PKD1L3: variants seen among roughly 807,000 people sequenced by gnomAD.
The protein encoded by PKD1L3 is polycystin 1 like 3, transient receptor potential channel interacting, also known as polycystin-1-like protein 3.
Under a neutral mutation model 184.1 loss-of-function variants are expected in PKD1L3, and 239 were observed. That is an observed-to-expected ratio of 1.30 (90% CI 1.17 to 1.45). The LOEUF is 1.45. PKD1L3 is among the 40% of genes most tolerant of loss of function. The pLI, the probability that PKD1L3 is intolerant of heterozygous loss-of-function variation, is 0.00. For synonymous variants in PKD1L3, 996 were observed against 778.8 expected, an observed-to-expected ratio of 1.28 and a Z score of -4.64; for missense variants, 2,660 against 2,067.2, an observed-to-expected ratio of 1.29 and a Z score of -5.56.
At chr16:71,936,129 GAA>G (rs1211272892) in intron 25 of PKD1L3, among the ~76,000 whole-genome samples, 2 of 143,332 alleles carry the variant, frequency 1.4e-5, no homozygotes, top group African/African-American at 5.1e-5. Context: ...GCCTGAGAAT[GAA>G]AAAAAAAATA....
chr16:71,945,305 T>TATATAC (rs1328351114), intron 22 of PKD1L3, among the ~76,000 whole-genome samples: 70 of 59,358 alleles, frequency 1.2e-3, no homozygotes, highest in Non-Finnish European at 1.9e-3. Flanking sequence ...TATATATATA[T>TATATAC]ACACACACAC....
chr16:71,991,057 T>C (rs1026005449), intron 3 of PKD1L3: 8 of 152,814 alleles, frequency 5.2e-5, no homozygotes, highest in African/African-American at 7.2e-5. Flanking sequence ...TATGGGACAT[T>C]TTCAGCTTGA....
At position 71,973,393 on chromosome 16, in the gene PKD1L3, G is replaced by C. The variant is rs1447610104; in HGVS notation, c.1884C>G (p.Val628=). 1.3e-6 allele frequency: 2 copies of C among 1,551,660 alleles called. No homozygotes were observed. Among genetic ancestry groups the C allele is most frequent in the Admixed American group, 3.9e-5 (2 of 50,996 alleles). ...GAQQTPSLVS[V]ITAVTQCYYW... is the part of the protein sequence containing the mutation. ...AGTAACACTGAGTGACGGCGGTGATGACCGAGACCAAGCTGGGTGTCTGCT... is the reference window on the plus strand; with the variant it reads ...AGTAACACTGAGTGACGGCGGTGATCACCGAGACCAAGCTGGGTGTCTGCT... Residue 628 remains valine (V), a synonymous_variant, in exon 12 of 30, where the codon GTC becomes GTG. Transcript: ENST00000620267.
chr16:71,942,780 T>C lies in PKD1L3; in HGVS notation c.4104A>G (p.Gln1368=), dbSNP rs762218200. ...TCTCATAGGTCTTGGTACGGGGTAT[T>C]TGGAAAATTAATTGTACCCCACATT... ...HCKCGVQLIF[Q]IPRTKTYEKV... is the part of the protein sequence containing the mutation. The change falls in exon 24 of 30, where the codon CAA becomes CAG. Residue 1368 remains glutamine, a synonymous_variant. Coordinates refer to ENST00000620267, the MANE Select transcript of PKD1L3 (RefSeq NM_181536.2). The C allele has an allele frequency of 1.0e-5, 16 of 1,551,476 alleles. No homozygotes were observed. The Middle Eastern group carries it at 5.0e-4, about 48-fold the overall frequency.
chr16:71,968,035 T>C (rs1299130384), intron 13 of PKD1L3, 28 bp from the exon 14 acceptor site: 5 of 1,517,506 alleles, frequency 3.3e-6, no homozygotes, highest in African/African-American at 1.4e-5. Flanking sequence ...CCATGCAACT[T>C]ACTAGGCCTC....
At position 71,986,357 on chromosome 16, in the gene PKD1L3, G is replaced by C; in HGVS notation, c.698C>G (p.Thr233Arg). 2 of 1,551,496 alleles carry C rather than the reference G, an allele frequency of 1.3e-6. No individual in the cohort carries two copies. The highest frequency in any genetic ancestry group is 1.7e-6 in the Non-Finnish European group (2 of 1,146,580). The change falls in exon 5 of 30, where the codon ACA (threonine) becomes AGA (arginine). Residue 233 changes from threonine to arginine, a missense_variant. By Grantham distance (71) the Thr-to-Arg change is moderately conservative. Transcript: ENST00000620267. Reference sequence around the variant, plus strand: ...GACAGACACGGGCATGGTGAGCTGTGTTATCACAGGGAGAGGCTGGCTGCT... The same window carrying C: ...GACAGACACGGGCATGGTGAGCTGTCTTATCACAGGGAGAGGCTGGCTGCT... ...EPSSQPLPVI[T>R]QLTMPVSVTH... is the part of the protein sequence containing the mutation.
chr16:71,942,472 C>G, intron 24 of PKD1L3, 88 bp downstream of exon 24: 3 of 1,180,100 alleles, frequency 2.5e-6, no homozygotes, highest in Non-Finnish European at 3.6e-6. Flanking sequence ...AGGAAGTTAC[C>G]TTCAATGAAA....
chr16:71,994,074 A>G (rs1478616399), intron 2 of PKD1L3, among the ~76,000 whole-genome samples: 2 of 152,196 alleles, frequency 1.3e-5, no homozygotes, highest in African/African-American at 4.8e-5. Flanking sequence ...CCGTCTGGCA[A>G]TAACATTCTT....
chr16:71,963,150 T>C (rs2039345963), intron 16 of PKD1L3, 55 bp downstream of exon 16: 3 of 1,445,526 alleles, frequency 2.1e-6, no homozygotes, highest in African/African-American at 1.4e-5. Flanking sequence ...TCGTGAACAA[T>C]TCAATTAATA....
At chr16:71,974,939 C>A (rs1025977396) in intron 11 of PKD1L3, among the ~76,000 whole-genome samples, 1 of 151,890 alleles carries the variant, frequency 6.6e-6, no homozygotes, top group Non-Finnish European at 1.5e-5. Context: ...TTTTTCCCAA[C>A]GTAAAAATAA....
In PKD1L3 at chr16:71,967,209, G is replaced by A. The variant is rs2039532137; in HGVS notation, c.2393C>T (p.Thr798Ile). 2 of 1,551,622 alleles carry A rather than the reference G, an allele frequency of 1.3e-6. No individual in the cohort carries two copies. The highest frequency in any genetic ancestry group is 2.0e-5 in the Admixed American group (1 of 50,988). ...CAGGTTCCCTAGAGAGGTCCAAGTG[G>A]TGAGAAGGAAGACATCCAGGCCCCC... ...ERGGLDVFLL[T>I]TWTSLGNLHS... Residue 798 changes from threonine (T) to isoleucine (I), a missense_variant, in exon 15 of 30, where the codon ACC becomes ATC. Thr to Ile is a moderately conservative substitution (Grantham distance 89, BLOSUM62 -1). Transcript: ENST00000620267.
At chr16:71,982,331 G>A in intron 6 of PKD1L3, 96 bp from the exon 7 acceptor site, 1 of 1,131,460 alleles carries the variant, frequency 8.8e-7, no homozygotes, top group Non-Finnish European at 1.2e-6. Context: ...TGTTGCCCAG[G>A]CTAGAGTGCA....
intron 13 of PKD1L3, among the ~76,000 whole-genome samples, chr16:71,968,509 A>G (rs1472733641): frequency 6.6e-6 from 1 of 152,224 alleles, no homozygotes; most frequent in Non-Finnish European, 1.5e-5. Flanking sequence ...GCAAGAAAAC[A>G]TAGGAAGAAC....
In PKD1L3 at chr16:71,981,199, C is replaced by T. The variant is rs142376190; in HGVS notation, c.1143+860G>A. On this transcript the variant is annotated intron_variant, in intron 7 of 29. Coordinates refer to ENST00000620267, the MANE Select transcript of PKD1L3 (RefSeq NM_181536.2). ...CCATGCTGCTACAAACTTGAGTGTA[C>T]AAGTTTCTGTATGGACATGTTTTCA... Among the ~76,000 whole-genome samples the T allele has an allele frequency of 4.9e-3, 747 of 152,258 alleles. 7 individuals carry two copies. Among genetic ancestry groups the T allele is most frequent in the African/African-American group, 0.017 (718 of 41,558 alleles).
intron 4 of PKD1L3, among the ~76,000 whole-genome samples, chr16:71,988,424 G>A (rs1255879838): frequency 2.0e-5 from 3 of 152,092 alleles, no homozygotes; most frequent in African/African-American, 4.8e-5. Context: ...CGAAATCCTG[G>A]CCTCAAGTGA....
chr16:71,998,326 T>C lies in PKD1L3; in HGVS notation c.364A>G (p.Ile122Val), dbSNP rs2040860572. The change falls in exon 2 of 30, where the codon ATC becomes GTC. Residue 122 changes from isoleucine to valine, a missense_variant. Transcript: ENST00000620267. ...CTYLSRNFIRISSKGDKCLLK... is the reference protein window; with the variant it reads ...CTYLSRNFIRVSSKGDKCLLK... The stretch of plus-strand genomic sequence containing the variant: ...AAGCACTTGTCCCCTTTGGATGAGA[T>C]CCGAATGAAGTTTCTGGACAGGTAG... 7.1e-6 allele frequency: 11 copies of C among 1,552,024 alleles called. No homozygotes were observed. The highest frequency in any genetic ancestry group is 9.6e-6 in the Non-Finnish European group (11 of 1,147,102).
intron 24 of PKD1L3, among the ~76,000 whole-genome samples, chr16:71,940,174 C>G (rs997878115): frequency 2.6e-5 from 4 of 152,090 alleles, no homozygotes; most frequent in African/African-American, 9.7e-5. Flanking sequence ...CATTCACAAC[C>G]AGGTATTTGC....
intron 29 of PKD1L3, 95 bp downstream of exon 29, chr16:71,929,957 A>G (rs764086476): frequency 4.4e-6 from 6 of 1,354,274 alleles, no homozygotes; most frequent in African/African-American, 3.0e-5. Flanking sequence ...GATACTGTGC[A>G]TTATAAATTA....
chr16:71,950,102 T>C lies in PKD1L3; in HGVS notation c.3383+16A>G. 6.5e-7 allele frequency: 1 copy of C among 1,549,964 alleles called. No individual in the cohort carries two copies. Among genetic ancestry groups the C allele is most frequent in the East Asian group, 2.4e-5 (1 of 40,870 alleles). The stretch of plus-strand genomic sequence containing the variant: ...AAGATTACAGGGGATAAAGAAGGCT[T>C]GGTGTGGTGCATTACCTGGATGGCT... On this transcript the variant is annotated intron_variant, in intron 20 of 29. Coordinates refer to ENST00000620267, the MANE Select transcript of PKD1L3 (RefSeq NM_181536.2).
Sources: allele counts gnomAD v4.1 joint callset (sites outside exome capture counted in the v4.1 genomes callset), GRCh38; gene constraint gnomAD v4.1.1; transcripts MANE v1.5; gene names NCBI Gene and HGNC (gene_info 2026-07-23, HGNC 2026-07-21).